MYO9A: variants seen among roughly 807,000 people sequenced by gnomAD.
MYO9A encodes the protein myosin IXA.
MYO9A carries 103 observed loss-of-function variants against 293.3 expected under a neutral mutation model. That is an observed-to-expected ratio of 0.35 (90% CI 0.30 to 0.41). The LOEUF (loss-of-function observed/expected upper bound fraction) is 0.41. MYO9A is among the 10% of genes least tolerant of loss of function. The pLI is 1.00. For missense variants in MYO9A, 2,685 were observed against 3,033.0 expected (o/e 0.89, Z 2.69); for synonymous variants, 1,001 against 1,035.7 (o/e 0.97, Z 0.64).
At chr15:72,082,058 A>C (rs1029662606) in intron 1 of MYO9A, among the ~76,000 whole-genome samples, 5 of 151,974 alleles carry the variant, frequency 3.3e-5, no homozygotes, top group Non-Finnish European at 7.4e-5. Flanking sequence ...TTTTTTCTAG[A>C]TCTATGAAGA....
At chr15:72,022,575 A>C (rs540316537) in intron 4 of MYO9A, among the ~76,000 whole-genome samples, 1 of 151,982 alleles carries the variant, frequency 6.6e-6, no homozygotes, top group Non-Finnish European at 1.5e-5. Flanking sequence ...GTTTTGAGAC[A>C]GGATAGCTGT....
intron 1 of MYO9A, among the ~76,000 whole-genome samples, chr15:72,081,876 C>A (rs1180561118): frequency 6.6e-6 from 1 of 151,552 alleles, no homozygotes; most frequent in Non-Finnish European, 1.5e-5. Context: ...CTGAGCTCTC[C>A]ATTCCATTGG....
At chr15:71,864,293 C>A (rs149625734) in intron 32 of MYO9A, among the ~76,000 whole-genome samples, 4 of 152,132 alleles carry the variant, frequency 2.6e-5, no homozygotes, top group Non-Finnish European at 5.9e-5. Flanking sequence ...CTACTTCATA[C>A]CTACCAGAAT....
At chr15:71,879,673 T>C in intron 30 of MYO9A, 48 bp downstream of exon 30, 1 of 1,389,576 alleles carries the variant, frequency 7.2e-7, no homozygotes, top group Non-Finnish European at 1.0e-6. Context: ...GCTATCAAAT[T>C]TTTCATATGT....
At chr15:71,905,801 T>C (rs2057618394) in intron 19 of MYO9A, among the ~76,000 whole-genome samples, 1 of 149,832 alleles carries the variant, frequency 6.7e-6, no homozygotes, top group Non-Finnish European at 1.5e-5. Context: ...TGGATCTGCT[T>C]AAAGAACCAG....
chr15:71,892,418 T>C (rs1467931915), intron 26 of MYO9A: 1 of 152,250 alleles, frequency 6.6e-6, no homozygotes, highest in Non-Finnish European at 1.5e-5. Flanking sequence ...TAAAAGTGCA[T>C]TGTAGCTAAA....
At position 71,875,832 on chromosome 15, in the gene MYO9A, T is replaced by G; in HGVS notation, c.5938A>C (p.Lys1980Gln). The G allele has an allele frequency of 7.2e-7, 1 of 1,381,080 alleles. No homozygotes were observed. The highest frequency in any genetic ancestry group is 9.4e-7 in the Non-Finnish European group (1 of 1,061,570). 85.6% of individuals were successfully genotyped at this position (1,381,080 alleles called of 1,614,324 possible). A position where few individuals can be genotyped will look rare whatever the true frequency, so the allele number is the denominator to read the frequency against. The change falls in exon 32 of 42, where the codon AAA (lysine) becomes CAA (glutamine). Residue 1980 changes from lysine (K) to glutamine (Q), a missense_variant. Around this residue, in one of 10 missense-constraint regions of MYO9A, gnomAD observed 1,434 missense variants for 1,497.7 expected, o/e 0.96. Coordinates refer to ENST00000356056, the MANE Select transcript of MYO9A (RefSeq NM_006901.4). ...TTCCTTCTTTTCTTTCTTTCTGTTT[T>G]TGGCACCTGACAGGGGGACAGGAGA... Reference protein sequence around the residue: ...TSDCTATKVPKTERKKRRKKE... With the variant: ...TSDCTATKVPQTERKKRRKKE...
At chr15:71,867,162 A>G (rs1393376237) in intron 32 of MYO9A, among the ~76,000 whole-genome samples, 5 of 152,156 alleles carry the variant, frequency 3.3e-5, no homozygotes, top group Non-Finnish European at 7.4e-5. Context: ...GTTGATGAGT[A>G]AAGACGGACT....
intron 1 of MYO9A, among the ~76,000 whole-genome samples, chr15:72,067,657 C>T (rs958652364): frequency 1.3e-5 from 2 of 152,140 alleles, no homozygotes; most frequent in Admixed American, 6.5e-5. Flanking sequence ...TCTACTGGGA[C>T]GCCACATGGA....
intron 1 of MYO9A, among the ~76,000 whole-genome samples, chr15:72,090,792 A>G (rs535990861): frequency 5.2e-4 from 79 of 152,232 alleles, no homozygotes; most frequent in African/African-American, 1.9e-3. Context: ...CTAAATGTTT[A>G]TATTCTTTTT....
intron 15 of MYO9A, 68 bp downstream of exon 15, chr15:71,951,709 T>C: frequency 6.3e-7 from 1 of 1,598,860 alleles, no homozygotes; most frequent in African/African-American, 1.3e-5. Flanking sequence ...CACCCTGGTG[T>C]AGGATGCTCC....
chr15:71,975,137 C>G (rs1358521804), intron 12 of MYO9A, among the ~76,000 whole-genome samples: 2 of 152,302 alleles, frequency 1.3e-5, no homozygotes, highest in Admixed American at 6.5e-5. Context: ...CTTGAGTGGT[C>G]TCTCCCTGGG....
intron 15 of MYO9A, among the ~76,000 whole-genome samples, chr15:71,945,889 T>A (rs748004502): frequency 6.6e-6 from 1 of 152,208 alleles, no homozygotes; most frequent in Non-Finnish European, 1.5e-5. Flanking sequence ...CTTCATAAAG[T>A]AGAGGAAGTT....
Position 71,935,436 on chromosome 15 carries a change from G to C in MYO9A, c.2427C>G (p.Ser809Arg). 6.2e-7 allele frequency: 1 copy of C among 1,613,594 alleles called. No individual in the cohort carries two copies. The highest frequency in any genetic ancestry group is 8.5e-7 in the Non-Finnish European group (1 of 1,179,662). ...AWNGRTGIRQ[S>R]RLSSGTSLLD... ...GCAAGGAGGTGCCACTTGATAGTCTGCTCTGGCGAATCCCAGTTCTGCCAT... is the reference window on the plus strand; with the variant it reads ...GCAAGGAGGTGCCACTTGATAGTCTCCTCTGGCGAATCCCAGTTCTGCCAT... Residue 809 changes from serine to arginine, a missense_variant, in exon 17 of 42, where the codon AGC (serine) becomes AGG (arginine). Ser to Arg is a moderately radical substitution (Grantham distance 110). This residue lies in a region of MYO9A where 1,434 missense variants were observed against 1,497.7 expected (regional missense o/e 0.96). Coordinates refer to ENST00000356056, the MANE Select transcript of MYO9A (RefSeq NM_006901.4).
At chr15:72,018,958 T>C in intron 6 of MYO9A, 81 bp downstream of exon 6, 1 of 1,090,262 alleles carries the variant, frequency 9.2e-7, no homozygotes. Flanking sequence ...TGATTTGCAT[T>C]CTAAATCTTC....
intron 1 of MYO9A, among the ~76,000 whole-genome samples, chr15:72,113,301 C>T (rs2080848889): frequency 6.6e-6 from 1 of 152,054 alleles, no homozygotes; most frequent in African/African-American, 2.4e-5. Context: ...GAATATACAC[C>T]TGAACTGAAT....
At chr15:72,006,782 G>GA (rs1413631587) in intron 8 of MYO9A, among the ~76,000 whole-genome samples, 3 of 152,168 alleles carry the variant, frequency 2.0e-5, no homozygotes, top group Non-Finnish European at 4.4e-5. Context: ...AAATAGGGTG[G>GA]AAGGAAAAGG....
intron 1 of MYO9A, among the ~76,000 whole-genome samples, chr15:72,078,930 G>A (rs1596525042): frequency 6.6e-6 from 1 of 152,180 alleles, no homozygotes; most frequent in African/African-American, 2.4e-5. Context: ...AAACTATGGC[G>A]ACAGCAAGAA....
chr15:72,101,875 A>G (rs1368982783), intron 1 of MYO9A, among the ~76,000 whole-genome samples: 2 of 150,766 alleles, frequency 1.3e-5, no homozygotes, highest in African/African-American at 2.4e-5. Context: ...TGGGGGGGTC[A>G]GCCCCCGACC....
Sources: allele counts gnomAD v4.1 joint callset (sites outside exome capture counted in the v4.1 genomes callset), GRCh38; gene constraint gnomAD v4.1.1; regional missense constraint gnomAD v4.1.1; transcripts MANE v1.5; gene names NCBI Gene and HGNC (gene_info 2026-07-23, HGNC 2026-07-21).